The following FANCM variants were observed in gnomAD, a reference collection of about 807,000 sequenced individuals.
The protein encoded by FANCM is FA complementation group M, also known as Fanconi anemia group M protein.
In FANCM, 140 loss-of-function variants were observed where a neutral mutation model predicts 199.5. That is an observed-to-expected ratio of 0.70 (90% CI 0.61 to 0.81). The LOEUF is 0.81. FANCM is among the 30% of genes least tolerant of loss of function. The pLI is 0.00. For missense variants in FANCM, 2,410 were observed against 2,421.4 expected, an observed-to-expected ratio of 1.00 and a Z score of 0.10; for synonymous variants, 840 against 836.8, an observed-to-expected ratio of 1.00 and a Z score of -0.07.
intron 18 of FANCM, 109 bp downstream of exon 18, chr14:45,185,482 G>C (rs1375790499): frequency 1.6e-6 from 1 of 614,700 alleles, no homozygotes; most frequent in African/African-American, 1.9e-5. Flanking sequence ...AATTAAATGT[G>C]GTACGTGCAA....
intron 11 of FANCM, 24 bp from the exon 12 acceptor site, chr14:45,170,565 T>C: frequency 1.9e-6 from 3 of 1,555,624 alleles, no homozygotes; most frequent in Non-Finnish European, 2.7e-6. Context: ...AAAGTCTCTT[T>C]TCCATTATTT....
Position 45,136,332 on chromosome 14 carries a change from G to A in FANCM, c.301G>A (p.Ala101Thr), listed in dbSNP as rs939426175. ...GGACTACCAGCTGCACATTTCCCGG[G>A]CTGCTCTGTTTTGCAATACGCTGGT... ...VRDYQLHISR[A>T]ALFCNTLVCL... The change falls in exon 1 of 23, where the codon GCT (alanine) becomes ACT (threonine). Residue 101 changes from alanine to threonine, a missense_variant. By Grantham distance (58) the Ala-to-Thr change is moderately conservative. Transcript: ENST00000267430. The A allele has an allele frequency of 1.2e-6, 2 of 1,614,166 alleles. No homozygotes were observed. The highest frequency in any genetic ancestry group is 1.1e-5 in the South Asian group (1 of 91,088).
chr14:45,200,080 TTA>T lies in FANCM; in HGVS notation c.*74_*75del, dbSNP rs1460607673. The T allele has an allele frequency of 6.7e-6, 6 of 901,030 alleles. No homozygotes were observed. Among genetic ancestry groups the T allele is most frequent in the African/African-American group, 1.7e-5 (1 of 59,196 alleles). 55.8% of individuals were successfully genotyped at this position (901,030 alleles called of 1,614,324 possible). A position where few individuals can be genotyped will look rare whatever the true frequency, so the allele number is the denominator to read the frequency against. ...ATGCACTTCAATAATCATTGCTGTT[TTA>T]TGTTTATTTGTAAATAAGAGAATAT... is the stretch of plus-strand genomic sequence containing the variant. On this transcript the variant is annotated 3_prime_UTR_variant, in exon 23 of 23. Coordinates refer to ENST00000267430, the MANE Select transcript of FANCM (RefSeq NM_020937.4).
intron 20 of FANCM, among the ~76,000 whole-genome samples, chr14:45,191,929 C>T (rs1889791417): frequency 6.6e-6 from 1 of 151,870 alleles, no homozygotes; most frequent in Admixed American, 6.6e-5. Context: ...TTTGTATTTC[C>T]TGACCTTGTT....
At chr14:45,155,892 T>A (rs1566739493) in intron 8 of FANCM, among the ~76,000 whole-genome samples, 3 of 152,124 alleles carry the variant, frequency 2.0e-5, no homozygotes, top group East Asian at 1.9e-4. Context: ...TTTAATTAAC[T>A]CTGGATAATG....
chr14:45,147,075 T>G lies in FANCM; in HGVS notation c.760-1762T>G, dbSNP rs540890223. ...AACTCAATACCTGGCATGTGGGAGT[T>G]ACTCATGTATTTCTTTCATGAATGA... is the stretch of plus-strand genomic sequence containing the variant. On this transcript the variant is annotated intron_variant, in intron 3 of 22. Transcript: ENST00000267430. Among the ~76,000 whole-genome samples, 18 of 152,252 alleles carry G rather than the reference T, an allele frequency of 1.2e-4. 1 individual carries two copies. In the East Asian group the frequency reaches 2.3e-3, roughly 20 times the overall value.
chr14:45,189,394 G>C (rs1315308193), intron 20 of FANCM, 32 bp downstream of exon 20: 1 of 1,481,180 alleles, frequency 6.8e-7, no homozygotes, highest in East Asian at 2.3e-5. Context: ...AATATCTTTA[G>C]ATGGTTACCA....
chr14:45,147,483 A>G (rs920497118), intron 3 of FANCM, among the ~76,000 whole-genome samples: 1 of 151,876 alleles, frequency 6.6e-6, no homozygotes, highest in Non-Finnish European at 1.5e-5. Flanking sequence ...GGGTCTCACT[A>G]TGTTGCCCAG....
intron 10 of FANCM, among the ~76,000 whole-genome samples, chr14:45,165,833 T>C (rs776272415): frequency 1.1e-4 from 17 of 152,204 alleles, no homozygotes; most frequent in Non-Finnish European, 7.3e-5. Flanking sequence ...GTTTACTCAG[T>C]ATTTACATTG....
chr14:45,170,786 T>A, intron 12 of FANCM, 40 bp downstream of exon 12: 1 of 1,539,460 alleles, frequency 6.5e-7, no homozygotes, highest in Non-Finnish European at 9.0e-7. Context: ...TTCCCCCCCC[T>A]CATTTTAATG....
At position 45,183,725 on chromosome 14, in the gene FANCM, G is replaced by C; in HGVS notation, c.4387-49G>C. On this transcript the variant is annotated intron_variant, in intron 16 of 22. Coordinates refer to ENST00000267430, the MANE Select transcript of FANCM (RefSeq NM_020937.4). ...TTGTAAGAGCAATTTTACTTGTCTA[G>C]GAAGAAAATATTTTTTTCTTATGCA... 3 of 1,397,740 alleles carry C rather than the reference G, an allele frequency of 2.1e-6. No homozygotes were observed. The South Asian group carries it at 3.6e-5, about 17-fold the overall frequency. 86.6% of individuals were successfully genotyped at this position (1,397,740 alleles called of 1,614,324 possible).
chr14:45,146,033 T>C (rs1295221611), intron 3 of FANCM, among the ~76,000 whole-genome samples: 1 of 131,198 alleles, frequency 7.6e-6, no homozygotes, highest in African/African-American at 2.9e-5. Flanking sequence ...CACTCCAGCC[T>C]GGGCCACAGA....
chr14:45,156,810 C>T (rs190276526), intron 8 of FANCM, among the ~76,000 whole-genome samples: 7 of 148,198 alleles, frequency 4.7e-5, no homozygotes, highest in African/African-American at 7.5e-5. Flanking sequence ...CTCAGCTACT[C>T]GGGAGGCTGA....
chr14:45,186,952 C>T (rs1416893763), intron 18 of FANCM, among the ~76,000 whole-genome samples: 1 of 152,096 alleles, frequency 6.6e-6, no homozygotes, highest in African/African-American at 2.4e-5. Context: ...GTCCTCCAAT[C>T]AAGGAATGCT....
In FANCM at chr14:45,175,133, A is replaced by G. The variant is rs781017322; in HGVS notation, c.2379A>G (p.Thr793=). 1.9e-6 allele frequency: 3 copies of G among 1,612,432 alleles called. No homozygotes were observed. Among genetic ancestry groups the G allele is most frequent in the Non-Finnish European group, 2.5e-6 (3 of 1,179,034 alleles). ...SYLQMEDVTS[T]FIAPRNESNN... is the part of the protein sequence containing the mutation. ...TACAAATGGAAGATGTTACCTCAAC[A>G]TTTATTGCTCCCAGGAATGAATCTA... The change falls in exon 14 of 23, where the codon ACA becomes ACG. Residue 793 remains threonine (T), a synonymous_variant. Coordinates refer to ENST00000267430, the MANE Select transcript of FANCM (RefSeq NM_020937.4).
rs749167463 is a variant in FANCM at position 45,181,544 on chromosome 14, C to T, written c.4317+20C>T. The T allele has an allele frequency of 6.5e-7, 1 of 1,540,508 alleles. No homozygotes were observed. The highest frequency in any genetic ancestry group is 1.1e-5 in the South Asian group (1 of 89,542). On this transcript the variant is annotated intron_variant, in intron 15 of 22. Coordinates refer to ENST00000267430, the MANE Select transcript of FANCM (RefSeq NM_020937.4). ...CCTGAGGTGAGTCATTCAGTAATCA[C>T]AATAGTATAATCATATCAAAGGCTA... is the stretch of plus-strand genomic sequence containing the variant.
Position 45,189,270 on chromosome 14 carries a change from C to T in FANCM, c.5248C>T (p.Pro1750Ser), listed in dbSNP as rs1889614246. The T allele has an allele frequency of 6.2e-7, 1 of 1,613,426 alleles. No homozygotes were observed. The highest frequency in any genetic ancestry group is 1.7e-5 in the Admixed American group (1 of 60,002). Residue 1750 changes from proline to serine, a missense_variant, in exon 20 of 23, where the codon CCT (proline) becomes TCT (serine). Physicochemically the swap from Pro to Ser is moderately conservative, Grantham distance 74. Coordinates refer to ENST00000267430, the MANE Select transcript of FANCM (RefSeq NM_020937.4). ...DTISEVSDFK[P>S]QNHNEVQSTT... Reference sequence around the variant, plus strand: ...AATTTCCGAAGTCTCAGACTTCAAACCTCAGAATCATAATGAAGTCCAGTC... The same window carrying T: ...AATTTCCGAAGTCTCAGACTTCAAATCTCAGAATCATAATGAAGTCCAGTC...
intron 11 of FANCM, among the ~76,000 whole-genome samples, chr14:45,168,335 C>T (rs1888116791): frequency 6.6e-6 from 1 of 152,058 alleles, no homozygotes; most frequent in South Asian, 2.1e-4. Context: ...AAAATAAAAA[C>T]ACAGCATGTC....
At chr14:45,185,823 C>T (rs1422159926) in intron 18 of FANCM, among the ~76,000 whole-genome samples, 1 of 151,964 alleles carries the variant, frequency 6.6e-6, no homozygotes, top group East Asian at 1.9e-4. Context: ...AAAAGTTGGC[C>T]AAGATGAGAA....
Sources: allele counts gnomAD v4.1 joint callset (sites outside exome capture counted in the v4.1 genomes callset), GRCh38; gene constraint gnomAD v4.1.1; transcripts MANE v1.5; gene names NCBI Gene and HGNC (gene_info 2026-07-23, HGNC 2026-07-21).